The following TCERG1L variants were observed in gnomAD, a reference collection of about 807,000 sequenced individuals.
TCERG1L encodes the protein transcription elongation regulator 1 like, also known as transcription elongation regulator 1-like protein.
In TCERG1L, 37 loss-of-function variants were observed where a neutral mutation model predicts 56.3. That is an observed-to-expected ratio of 0.66 (90% CI 0.51 to 0.87). The LOEUF is 0.87. Ranked by LOEUF, TCERG1L falls within the 40% of genes least tolerant of loss-of-function variation. TCERG1L has a pLI of 0.00. For synonymous variants in TCERG1L, 324 were observed against 326.3 expected, an observed-to-expected ratio of 0.99 and a Z score of 0.08; for missense variants, 799 against 774.2, an observed-to-expected ratio of 1.03 and a Z score of -0.38.
chr10:131,266,313 C>G (rs1452859967), intron 3 of TCERG1L, among the ~76,000 whole-genome samples: 1 of 152,206 alleles, frequency 6.6e-6, no homozygotes, highest in African/African-American at 2.4e-5. Flanking sequence ...GAGTTGAAAT[C>G]AGCTTCTTTC....
intron 3 of TCERG1L, among the ~76,000 whole-genome samples, chr10:131,290,415 T>C (rs561409587): frequency 6.6e-5 from 10 of 152,260 alleles, no homozygotes; most frequent in African/African-American, 2.4e-4. Flanking sequence ...GCAGATCACC[T>C]GAGGCTGGGA....
intron 8 of TCERG1L, among the ~76,000 whole-genome samples, chr10:131,126,940 T>C (rs1201179482): frequency 1.3e-5 from 2 of 152,106 alleles, no homozygotes; most frequent in African/African-American, 4.8e-5. Flanking sequence ...ACTTGAGAAT[T>C]TGGGGCATAG....
At position 131,194,317 on chromosome 10, in the gene TCERG1L, C is replaced by T. The variant is rs373877881; in HGVS notation, c.857-27432G>A. Among the ~76,000 whole-genome samples the T allele has an allele frequency of 1.2e-4, 19 of 152,350 alleles. No homozygotes were observed. In the East Asian group the frequency reaches 3.1e-3, roughly 25 times the overall value. ...GCTGACGAAGGGAGACAGGTGATATCCCCACCATTGCCTTCAGCACCTTTC... is the reference window on the plus strand; with the variant it reads ...GCTGACGAAGGGAGACAGGTGATATTCCCACCATTGCCTTCAGCACCTTTC... On this transcript the variant is annotated intron_variant, in intron 4 of 11. Coordinates refer to ENST00000368642, the MANE Select transcript of TCERG1L (RefSeq NM_174937.4).
At chr10:131,239,714 C>T (rs1206024774) in intron 4 of TCERG1L, among the ~76,000 whole-genome samples, 1 of 152,228 alleles carries the variant, frequency 6.6e-6, no homozygotes, top group Non-Finnish European at 1.5e-5. Context: ...AGATTGCTTC[C>T]GGTGGTATGG....
chr10:131,294,586 G>A (rs1379056877), intron 3 of TCERG1L, among the ~76,000 whole-genome samples: 6 of 152,040 alleles, frequency 3.9e-5, no homozygotes, highest in African/African-American at 1.2e-4. Context: ...TAGCTCCCAC[G>A]CCAGGATTAT....
Position 131,267,012 on chromosome 10 carries a change from C to A in TCERG1L, c.671-6568G>T, listed in dbSNP as rs1846294530. Among the ~76,000 whole-genome samples, 2 of 152,010 alleles carry A rather than the reference C, an allele frequency of 1.3e-5. No homozygotes were observed. Reference sequence around the variant, plus strand: ...CTACTCCAGTCCAGAGGACTGGCAACCGGCCCCCAGCCTTCAGGTCCTCCC... The same window carrying A: ...CTACTCCAGTCCAGAGGACTGGCAAACGGCCCCCAGCCTTCAGGTCCTCCC... On this transcript the variant is annotated intron_variant, in intron 3 of 11. Transcript: ENST00000368642. This position sits in a 1 kb window ranked among gnomAD's most constrained non-coding sequence, Gnocchi z 4.9.
Position 131,166,436 on chromosome 10 carries a change from T to C in TCERG1L, c.945+361A>G, listed in dbSNP as rs73394548. On this transcript the variant is annotated intron_variant, in intron 5 of 11. Transcript: ENST00000368642. ...TGGCAAGCCAGTGAAGAGAAAGACC[T>C]GAAATTAGAATGAGTGTGTTGGCTC... Among the ~76,000 whole-genome samples the C allele has an allele frequency of 7.7e-3, 1,169 of 152,376 alleles. 14 individuals carry two copies. Among genetic ancestry groups the C allele is most frequent in the African/African-American group, 0.025 (1,059 of 41,590 alleles).
At chr10:131,246,604 GCCCCA>G (rs1389691133) in intron 4 of TCERG1L, among the ~76,000 whole-genome samples, 4 of 137,316 alleles carry the variant, frequency 2.9e-5, no homozygotes, top group Non-Finnish European at 6.5e-5. Context: ...TCCCTCCCCT[GCCCCA>G]CCGCACCCCA....
chr10:131,256,347 A>C (rs1846164515), intron 4 of TCERG1L, among the ~76,000 whole-genome samples: 1 of 152,050 alleles, frequency 6.6e-6, no homozygotes, highest in Non-Finnish European at 1.5e-5. Context: ...ATAGAACAAA[A>C]AAATAGTCAC....
intron 4 of TCERG1L, among the ~76,000 whole-genome samples, chr10:131,249,940 C>T (rs1328983649): frequency 6.6e-6 from 1 of 152,228 alleles, no homozygotes; most frequent in African/African-American, 2.4e-5. Context: ...GCAAAGAAAG[C>T]TCTGCTCCCA....
intron 10 of TCERG1L, among the ~76,000 whole-genome samples, chr10:131,101,411 T>C (rs1049208226): frequency 1.3e-5 from 2 of 152,202 alleles, no homozygotes; most frequent in East Asian, 1.9e-4. Flanking sequence ...GTGAGAATGA[T>C]CTTACTTATT....
intron 3 of TCERG1L, among the ~76,000 whole-genome samples, chr10:131,271,684 G>A (rs1846340830): frequency 6.6e-6 from 1 of 152,234 alleles, no homozygotes; most frequent in Non-Finnish European, 1.5e-5. Flanking sequence ...TCAGGAGGAA[G>A]GCCAGGACAG....
At chr10:131,172,616 A>G (rs1846105994) in intron 4 of TCERG1L, among the ~76,000 whole-genome samples, 1 of 152,222 alleles carries the variant, frequency 6.6e-6, no homozygotes. Context: ...CTCCGCTCGC[A>G]GCTGGGAGCA....
intron 9 of TCERG1L, among the ~76,000 whole-genome samples, chr10:131,107,793 T>C (rs1845368326): frequency 1.3e-5 from 2 of 151,544 alleles, no homozygotes; most frequent in Admixed American, 6.6e-5. Context: ...GAGGTGCATA[T>C]ACACATGCAG....
At chr10:131,168,211 G>A (rs1021681314) in intron 4 of TCERG1L, among the ~76,000 whole-genome samples, 1 of 152,216 alleles carries the variant, frequency 6.6e-6, no homozygotes, top group African/African-American at 2.4e-5. Context: ...ATGTCCTCTG[G>A]CCCCTTCAAG....
rs528249170 is a variant in TCERG1L at position 131,112,889 on chromosome 10, C to T, written c.1395+3910G>A. On this transcript the variant is annotated intron_variant, in intron 9 of 11. Coordinates refer to ENST00000368642, the MANE Select transcript of TCERG1L (RefSeq NM_174937.4). ...AGCAGGGTTTTCACCTACTGACCCC[C>T]GTCCCTCCTCGGTTGAGGGTCGCCC... 1.7e-4 allele frequency among the ~76,000 whole-genome samples: 24 copies of T among 142,296 alleles called. 2 individuals carry two copies. The highest frequency in any genetic ancestry group is 2.8e-4 in the Non-Finnish European group (18 of 63,232). The allele number at this position is 142,296 out of a possible 152,430, so 93.4% of individuals were successfully genotyped here.
intron 4 of TCERG1L, among the ~76,000 whole-genome samples, chr10:131,247,206 C>A (rs1846049898): frequency 6.6e-6 from 1 of 152,334 alleles, no homozygotes; most frequent in Non-Finnish European, 1.5e-5. Context: ...GAGGTGGTTG[C>A]CCATGCTGTG....
chr10:131,248,083 GCA>G (rs965824856), intron 4 of TCERG1L, among the ~76,000 whole-genome samples: 27 of 151,010 alleles, frequency 1.8e-4, no homozygotes, highest in East Asian at 1.6e-3. Context: ...TGACTCATAT[GCA>G]CACACACACA....
intron 4 of TCERG1L, among the ~76,000 whole-genome samples, chr10:131,225,021 A>C (rs1297503891): frequency 6.6e-6 from 1 of 152,148 alleles, no homozygotes. Flanking sequence ...ACTGAGGCTC[A>C]TGAGTGCCGT....
Sources: allele counts gnomAD v4.1 joint callset (sites outside exome capture counted in the v4.1 genomes callset), GRCh38; gene constraint gnomAD v4.1.1; non-coding constraint Gnocchi (gnomAD v3.1); transcripts MANE v1.5; gene names NCBI Gene and HGNC (gene_info 2026-07-23, HGNC 2026-07-21).